CEP44: variants seen among roughly 807,000 people sequenced by gnomAD.
CEP44 encodes centrosomal protein of 44 kDa.
A neutral mutation model predicts 46.7 loss-of-function variants in CEP44; 45 were observed. The ratio of observed to expected loss-of-function variants is 0.96; its 90% confidence interval spans 0.76 to 1.24. The LOEUF (loss-of-function observed/expected upper bound fraction) is 1.24. Ranked by LOEUF, CEP44 falls within the 50% of genes most tolerant of loss-of-function variation. The pLI is 0.00. For missense variants in CEP44, 475 were observed against 459.7 expected, an observed-to-expected ratio of 1.03 and a Z score of -0.30; for synonymous variants, 142 against 146.0, an observed-to-expected ratio of 0.97 and a Z score of 0.20.
At chr4:174,302,301 A>G (rs1739822429) in intron 4 of CEP44, 115 bp downstream of exon 4, 4 of 662,230 alleles carry the variant, frequency 6.0e-6, no homozygotes, top group South Asian at 2.1e-5. Flanking sequence ...GGATATTTTC[A>G]TTTGTATTTA....
At position 174,326,089 on chromosome 4, in the gene CEP44, T is replaced by G. The variant is rs1461025680; in HGVS notation, c.1087-5393T>G. On this transcript the variant is annotated intron_variant, in intron 8 of 8. Coordinates refer to the CEP44 transcript ENST00000426172. The surrounding 1 kb of genome is among the most constrained non-coding windows in gnomAD (Gnocchi z 4.8). ...ATGGATATGGTTCAAATCTACCACC[T>G]TCTTATATTTGTTTTCTGTTTTTAT... 1.3e-5 allele frequency among the ~76,000 whole-genome samples: 2 copies of G among 152,146 alleles called. No individual in the cohort carries two copies. Among genetic ancestry groups the G allele is most frequent in the Non-Finnish European group, 2.9e-5 (2 of 68,006 alleles).
chr4:174,319,524 CCTTT>C lies in CEP44; in HGVS notation c.*2146_*2149del, dbSNP rs1461676619. 2 of 878,196 alleles carry C rather than the reference CCTTT, an allele frequency of 2.3e-6. No individual in the cohort carries two copies. Among genetic ancestry groups the C allele is most frequent in the African/African-American group, 3.6e-5 (2 of 54,866 alleles). 54.4% of individuals were successfully genotyped at this position (878,196 alleles called of 1,614,324 possible). ...GAAAAAAAGTTAAGTCTCTTTCTAC[CCTTT>C]CTTTTTTTCTTTATATAGTGCAGAT... On this transcript the variant is annotated 3_prime_UTR_variant, in exon 12 of 12. Coordinates refer to ENST00000503780, the MANE Select transcript of CEP44 (RefSeq NM_001040157.3).
rs1394819105 is a variant in CEP44, at chr4:174,286,983, C to G, written c.-148+3040C>G. Reference sequence around the variant, plus strand: ...AAGCATAGATATTTTGAATTTCTTGCCTTTTTTTCTGTGTTCACCTTTTCT... The same window carrying G: ...AAGCATAGATATTTTGAATTTCTTGGCTTTTTTTCTGTGTTCACCTTTTCT... On this transcript the variant is annotated intron_variant, in intron 1 of 11. Transcript: ENST00000503780. This position sits in a 1 kb window ranked among gnomAD's most constrained non-coding sequence, Gnocchi z 5.2. 6.6e-6 allele frequency among the ~76,000 whole-genome samples: 1 copy of G among 152,140 alleles called. No individual in the cohort carries two copies. Among genetic ancestry groups the G allele is most frequent in the Non-Finnish European group, 1.5e-5 (1 of 68,032 alleles).
intron 1 of CEP44, among the ~76,000 whole-genome samples, chr4:174,291,453 C>T (rs1434576008): frequency 1.3e-5 from 2 of 151,978 alleles, no homozygotes; most frequent in Admixed American, 6.5e-5. Flanking sequence ...TCAGATTTTA[C>T]TTCTTTCTAT....
chr4:174,322,608 A>G (rs1008805700), downstream of CEP44, among the ~76,000 whole-genome samples: 19 of 152,134 alleles, frequency 1.2e-4, no homozygotes, highest in Admixed American at 5.2e-4. Context: ...GTGAAAAGAG[A>G]TCCTGAATTT....
At chr4:174,330,509 T>C (rs745657499) in intron 8 of CEP44, among the ~76,000 whole-genome samples, 9 of 151,826 alleles carry the variant, frequency 5.9e-5, no homozygotes, top group Non-Finnish European at 1.2e-4. Context: ...AAAAAAATTA[T>C]GTGATACATG....
In CEP44 at chr4:174,297,079, C is replaced by A. The variant is rs1036277196; in HGVS notation, c.-147-887C>A. Among the ~76,000 whole-genome samples the A allele has an allele frequency of 1.3e-5, 2 of 151,962 alleles. No individual in the cohort carries two copies. The highest frequency in any genetic ancestry group is 4.8e-5 in the African/African-American group (2 of 41,388). On this transcript the variant is annotated intron_variant, in intron 1 of 11. Coordinates refer to ENST00000503780, the MANE Select transcript of CEP44 (RefSeq NM_001040157.3). The surrounding 1 kb of genome is among the most constrained non-coding windows in gnomAD (Gnocchi z 4.3). ...GTTAGCATGGTATATTTTTCCCTAT[C>A]CATTTACTTTTAATCTTATAAACAA...
intron 1 of CEP44, chr4:174,284,202 C>T (rs926918289): frequency 6.5e-5 from 26 of 397,468 alleles, no homozygotes; most frequent in African/African-American, 4.9e-4. Flanking sequence ...CTCTCTCCGC[C>T]GTCCTTACAG....
At chr4:174,293,991 C>A (rs1738533364) in intron 1 of CEP44, among the ~76,000 whole-genome samples, 1 of 150,542 alleles carries the variant, frequency 6.6e-6, no homozygotes, top group Admixed American at 6.6e-5. Context: ...ATTTGCAAAT[C>A]TCTAATGATA....
intron 1 of CEP44, among the ~76,000 whole-genome samples, chr4:174,294,641 C>T (rs1249030302): frequency 1.3e-5 from 2 of 150,016 alleles, no homozygotes; most frequent in Non-Finnish European, 3.0e-5. Context: ...CGCCCCTCAC[C>T]TCCCAGACGG....
chr4:174,310,367 T>C lies in CEP44; in HGVS notation c.885+311T>C, dbSNP rs2126637198. On this transcript the variant is annotated intron_variant, in intron 8 of 11. Coordinates refer to ENST00000503780, the MANE Select transcript of CEP44 (RefSeq NM_001040157.3). This position sits in a 1 kb window ranked among gnomAD's most constrained non-coding sequence, Gnocchi z 4.2. ...AAGCTTAAAATTATTTTATATCTTT[T>C]AATAGTACAAATAACCTATTTTCAT... Among the ~76,000 whole-genome samples, 1 of 152,118 alleles carries C rather than the reference T, an allele frequency of 6.6e-6. No homozygotes were observed. Among genetic ancestry groups the C allele is most frequent in the South Asian group, 2.1e-4 (1 of 4,826 alleles).
chr4:174,294,859 C>T (rs1451035677), intron 1 of CEP44, among the ~76,000 whole-genome samples: 1 of 138,816 alleles, frequency 7.2e-6, no homozygotes, highest in East Asian at 2.3e-4. Context: ...GGGGGCTGAT[C>T]CCCCCACCTC....
At position 174,286,729 on chromosome 4, in the gene CEP44, C is replaced by A. The variant is rs1025056721; in HGVS notation, c.-148+2786C>A. Among the ~76,000 whole-genome samples the A allele has an allele frequency of 6.6e-6, 1 of 152,258 alleles. No individual in the cohort carries two copies. ...TCCCACTCCATGCAAGAAAATTAGT[C>A]ATTTAGAAATAAATTCCATGCTATT... On this transcript the variant is annotated intron_variant, in intron 1 of 11. Transcript: ENST00000503780. The surrounding 1 kb of genome is among the most constrained non-coding windows in gnomAD (Gnocchi z 5.2).
Position 174,310,100 on chromosome 4 carries a change from A to C in CEP44, c.885+44A>C, listed in dbSNP as rs74954653. The C allele has an allele frequency of 6.0e-3, 9,317 of 1,551,742 alleles. 442 individuals are homozygous for C. In the African/African-American group the frequency reaches 0.11, roughly 17 times the overall value. On this transcript the variant is annotated intron_variant, in intron 8 of 11. Coordinates refer to ENST00000503780, the MANE Select transcript of CEP44 (RefSeq NM_001040157.3). The surrounding 1 kb of genome is among the most constrained non-coding windows in gnomAD (Gnocchi z 4.2). ...ATTTATAAAATATCTCAGATATAAC[A>C]AAGTTTTTTTTTGATTGTTATATGT... is the stretch of plus-strand genomic sequence containing the variant.
In CEP44 at chr4:174,326,688, T is replaced by C. The variant is rs954931182; in HGVS notation, c.1087-4794T>C. Among the ~76,000 whole-genome samples the C allele has an allele frequency of 2.0e-5, 3 of 152,056 alleles. No homozygotes were observed. Among genetic ancestry groups the C allele is most frequent in the African/African-American group, 7.2e-5 (3 of 41,432 alleles). Reference sequence around the variant, plus strand: ...CTTTAACTTTTCTTGTAATACTAGTTGCTGGTGATGAATTCTGGAAAAGTC... The same window carrying C: ...CTTTAACTTTTCTTGTAATACTAGTCGCTGGTGATGAATTCTGGAAAAGTC... On this transcript the variant is annotated intron_variant, in intron 8 of 8. Transcript: ENST00000426172. This position sits in a 1 kb window ranked among gnomAD's most constrained non-coding sequence, Gnocchi z 4.8.
chr4:174,304,709 T>C (rs1363968181), intron 6 of CEP44, among the ~76,000 whole-genome samples: 3 of 152,220 alleles, frequency 2.0e-5, no homozygotes, highest in Admixed American at 1.3e-4. Context: ...TGGGAACATA[T>C]GAAGAGCCTA....
intron 8 of CEP44, among the ~76,000 whole-genome samples, chr4:174,327,305 T>C (rs183743909): frequency 6.6e-6 from 1 of 151,590 alleles, no homozygotes. Context: ...AAAAACAAAA[T>C]ATTAAAGAAA....
Position 174,288,701 on chromosome 4 carries a change from T to G in CEP44, c.-148+4758T>G, listed in dbSNP as rs1285438062. The stretch of plus-strand genomic sequence containing the variant: ...AGATCATGTCATCTGCAAACAGATA[T>G]TGTACCTCTTCTCTTTTTATTTGGA... On this transcript the variant is annotated intron_variant, in intron 1 of 11. Transcript: ENST00000503780. The surrounding 1 kb of genome is among the most constrained non-coding windows in gnomAD (Gnocchi z 4.6). 6.6e-6 allele frequency among the ~76,000 whole-genome samples: 1 copy of G among 152,154 alleles called. No individual in the cohort carries two copies. Among genetic ancestry groups the G allele is most frequent in the African/African-American group, 2.4e-5 (1 of 41,460 alleles).
At chr4:174,332,218 C>T (rs995375607) in exon 9 of CEP44, 1 of 152,222 alleles carries the variant, frequency 6.6e-6, no homozygotes, top group East Asian at 1.9e-4. Flanking sequence ...ACCGTTGGTA[C>T]AGTAGGCTAA....
Sources: allele counts gnomAD v4.1 joint callset (sites outside exome capture counted in the v4.1 genomes callset), GRCh38; gene constraint gnomAD v4.1.1; non-coding constraint Gnocchi (gnomAD v3.1); transcripts MANE v1.5; gene names NCBI Gene and HGNC (gene_info 2026-07-23, HGNC 2026-07-21).